The following TEP1 variants were observed in gnomAD, a reference collection of about 807,000 sequenced individuals.
TEP1 encodes the protein telomerase protein component 1.
A neutral mutation model predicts 306.3 loss-of-function variants in TEP1; 241 were observed. That is an observed-to-expected ratio of 0.79 (90% CI 0.71 to 0.88). The LOEUF (loss-of-function observed/expected upper bound fraction) is 0.88. TEP1 is among the 40% of genes least tolerant of loss of function. TEP1 has a pLI of 0.00. For synonymous variants in TEP1, 1,289 were observed against 1,305.5 expected (o/e 0.99, Z 0.27); for missense variants, 3,051 against 3,276.1 (o/e 0.93, Z 1.68).
At chr14:20,387,096 G>A (rs1376761455) in intron 18 of TEP1, among the ~76,000 whole-genome samples, 1 of 150,756 alleles carries the variant, frequency 6.6e-6, no homozygotes. Flanking sequence ...CACCACACCT[G>A]GCTAATTTTG....
At chr14:20,394,496 T>TTTTGG (rs1276066344) in intron 12 of TEP1, among the ~76,000 whole-genome samples, 1 of 148,784 alleles carries the variant, frequency 6.7e-6, no homozygotes, top group Admixed American at 6.7e-5. Context: ...TTTTTTTTTT[T>TTTTGG]GAGACAGAGT....
In TEP1 at chr14:20,403,423, C is replaced by T. The variant is rs1566481093; in HGVS notation, c.1220G>A (p.Arg407Lys). The T allele has an allele frequency of 6.2e-7, 1 of 1,614,184 alleles. No homozygotes were observed. The highest frequency in any genetic ancestry group is 1.1e-5 in the South Asian group (1 of 91,082). Reference protein sequence around the residue: ...SPGMEPPFSHRCFPRYIGFLR... With the variant: ...SPGMEPPFSHKCFPRYIGFLR... ...AAACCCTATGTACCTTGGAAAACAT[C>T]TGTGAGAAAATGGAGGCTCCATCCC... Residue 407 changes from arginine to lysine, a missense_variant, in exon 7 of 55, where the codon AGA (arginine) becomes AAA (lysine). By Grantham distance (26) the Arg-to-Lys change is conservative. Transcript: ENST00000262715.
Position 20,391,629 on chromosome 14 carries a change from G to A in TEP1, c.2067C>T (p.Asp689=). The change falls in exon 13 of 55, where the codon GAC becomes GAT. Residue 689 remains aspartate, a synonymous_variant. Transcript: ENST00000262715. ...GTGGGTTGCTCTTTGGACAGAGCCT[G>A]TCTGCATTAGCATCTGTCAGATAGA... The part of the protein sequence containing the change: ...VLVYLTDANA[D]RLCPKSNPQG... 2.5e-6 allele frequency: 4 copies of A among 1,614,122 alleles called. No homozygotes were observed. Among genetic ancestry groups the A allele is most frequent in the Non-Finnish European group, 3.4e-6 (4 of 1,179,998 alleles).
Position 20,373,063 on chromosome 14 carries a change from T to C in TEP1, c.6899A>G (p.Gln2300Arg), listed in dbSNP as rs1214948341. ...CTGCCACAAGATTAGTTCCCCAGCT[T>C]GATTTCCAGATACTGCCATGGAACC... ...PDGSMAVSGN[Q>R]AGELILWQEA... Residue 2300 changes from glutamine to arginine, a missense_variant, in exon 48 of 55, where the codon CAA becomes CGA. Physicochemically the swap from Gln to Arg is conservative, Grantham distance 43. This residue lies in a region of TEP1 where 1,540 missense variants were observed against 1,705.9 expected (regional missense o/e 0.90). Coordinates refer to ENST00000262715, the MANE Select transcript of TEP1 (RefSeq NM_007110.5). 1 of 1,614,196 alleles carries C rather than the reference T, an allele frequency of 6.2e-7. No homozygotes were observed. The highest frequency in any genetic ancestry group is 8.5e-7 in the Non-Finnish European group (1 of 1,180,030).
At position 20,382,695 on chromosome 14, in the gene TEP1, C is replaced by T; in HGVS notation, c.4068G>A (p.Lys1356=). ...FNNQMRLLLV[K]RESGRPLYLR... is the part of the protein sequence containing the mutation. ...GGTAGAGCGGCCGGCCTGATTCCCGCTTCACCAGCAGCAGTCGCATCTGGC... is the reference window on the plus strand; with the variant it reads ...GGTAGAGCGGCCGGCCTGATTCCCGTTTCACCAGCAGCAGTCGCATCTGGC... The change falls in exon 28 of 55, where the codon AAG becomes AAA. Residue 1356 remains lysine, a synonymous_variant. Coordinates refer to ENST00000262715, the MANE Select transcript of TEP1 (RefSeq NM_007110.5). The T allele has an allele frequency of 6.2e-7, 1 of 1,614,086 alleles. No individual in the cohort carries two copies.
At chr14:20,377,158 T>A (rs949679771) in intron 41 of TEP1, 122 bp downstream of exon 41, 1 of 774,772 alleles carries the variant, frequency 1.3e-6, no homozygotes. Flanking sequence ...GAAGTTGCAG[T>A]GAGCCGAGAC....
At chr14:20,371,088 G>A (rs1884802992) in intron 51 of TEP1, 130 bp downstream of exon 51, 1 of 735,272 alleles carries the variant, frequency 1.4e-6, no homozygotes, top group East Asian at 2.6e-5. Context: ...AACTGCTCCA[G>A]TTGAAGGAGG....
intron 14 of TEP1, 61 bp downstream of exon 14, chr14:20,390,877 G>A: frequency 1.9e-6 from 3 of 1,611,106 alleles, no homozygotes; most frequent in Non-Finnish European, 2.5e-6. Flanking sequence ...CCAAATATCT[G>A]GGCTATTCCC....
chr14:20,398,100 C>A (rs1878352470), intron 9 of TEP1, among the ~76,000 whole-genome samples: 1 of 151,676 alleles, frequency 6.6e-6, no homozygotes, highest in African/African-American at 2.4e-5. Flanking sequence ...CAATTTTAGG[C>A]CGGGTGCAGT....
chr14:20,372,897 G>A, intron 48 of TEP1, 40 bp from the exon 49 acceptor site: 1 of 1,613,696 alleles, frequency 6.2e-7, no homozygotes, highest in Non-Finnish European at 8.5e-7. Flanking sequence ...CTTCTGATGA[G>A]CCAGGATGCA....
In TEP1 at chr14:20,377,921, C is replaced by T. The variant is rs371828193; in HGVS notation, c.5721+103G>A. On this transcript the variant is annotated intron_variant, in intron 39 of 54. Coordinates refer to ENST00000262715, the MANE Select transcript of TEP1 (RefSeq NM_007110.5). ...CTCCCCGTGGTTCCTGCAATCCAAG[C>T]TCCTCCACAGTCTCCTCGACAAAGG... is the stretch of plus-strand genomic sequence containing the variant. The T allele has an allele frequency of 8.7e-5, 130 of 1,499,416 alleles. No individual in the cohort carries two copies. In the African/African-American group the frequency reaches 1.5e-3, roughly 18 times the overall value. The allele number at this position is 1,499,416 out of a possible 1,614,324, so 92.9% of individuals were successfully genotyped here. A position where few individuals can be genotyped will look rare whatever the true frequency, so the allele number is the denominator to read the frequency against.
In TEP1 at chr14:20,368,324, C is replaced by T; in HGVS notation, c.*113G>A. The stretch of plus-strand genomic sequence containing the variant: ...CTACACTTGAGATTTTTTGACACTT[C>T]ATTTTTATAATTATCAAGAAATTAT... On this transcript the variant is annotated 3_prime_UTR_variant, in exon 55 of 55. Transcript: ENST00000262715. The T allele has an allele frequency of 1.5e-6, 2 of 1,318,146 alleles. No individual in the cohort carries two copies. The highest frequency in any genetic ancestry group is 2.0e-6 in the Non-Finnish European group (2 of 988,846). The allele number at this position is 1,318,146 out of a possible 1,614,324, so 81.7% of individuals were successfully genotyped here.
intron 41 of TEP1, among the ~76,000 whole-genome samples, chr14:20,376,816 T>C (rs1033016298): frequency 2.6e-5 from 4 of 152,222 alleles, no homozygotes; most frequent in East Asian, 1.9e-4. Flanking sequence ...TGCAAGATAA[T>C]TGCATTCAAA....
At chr14:20,397,013 C>A (rs1878264542) in intron 9 of TEP1, among the ~76,000 whole-genome samples, 1 of 152,108 alleles carries the variant, frequency 6.6e-6, no homozygotes, top group Non-Finnish European at 1.5e-5. Flanking sequence ...TACAATCTAC[C>A]CTACTCAAAA....
intron 18 of TEP1, 143 bp downstream of exon 18, chr14:20,387,762 G>C: frequency 7.8e-6 from 8 of 1,024,368 alleles, no homozygotes. Flanking sequence ...CTGTGGTAGA[G>C]AAACCTCCGC....
rs900602040 is a variant in TEP1, at chr14:20,372,804, G to A, written c.7005C>T (p.Val2335=). The A allele has an allele frequency of 1.2e-5, 19 of 1,613,990 alleles. No individual in the cohort carries two copies. The highest frequency in any genetic ancestry group is 1.5e-5 in the Non-Finnish European group (18 of 1,180,030). ...LIWSSAHTFF[V]LSADEKISEW... ...CGCTGATTTTCTCATCAGCACTGAG[G>A]ACAAAAAAGGTGTGTGCCGAGGACC... is the stretch of plus-strand genomic sequence containing the variant. Residue 2335 remains valine (V), a synonymous_variant, in exon 49 of 55, where the codon GTC becomes GTT. Transcript: ENST00000262715.
Position 20,378,114 on chromosome 14 carries a change from C to A in TEP1, c.5631G>T (p.Leu1877=), listed in dbSNP as rs763621785. Residue 1877 remains leucine, a synonymous_variant, in exon 39 of 55, where the codon CTG becomes CTT. Transcript: ENST00000262715. ...AGCCATGGTGGGCAGGGAAGGCAGC[C>A]AGCCGTGCCCCTTCTCGCCAGGCCC... ...ELWAWREGAR[L]AAFPAHHGFV... is the part of the protein sequence containing the mutation. 4 of 1,613,808 alleles carry A rather than the reference C, an allele frequency of 2.5e-6. No homozygotes were observed. In the African/African-American group the frequency reaches 5.3e-5, roughly 22 times the overall value.
intron 12 of TEP1, among the ~76,000 whole-genome samples, chr14:20,394,466 C>T (rs1878009641): frequency 6.8e-6 from 1 of 146,568 alleles, no homozygotes; most frequent in Admixed American, 6.9e-5. Flanking sequence ...TTGGACTGGC[C>T]CCTTGGGCTT....
intron 35 of TEP1, 142 bp downstream of exon 35, chr14:20,379,788 C>G (rs1415852883): frequency 8.7e-7 from 1 of 1,150,832 alleles, no homozygotes; most frequent in Non-Finnish European, 1.2e-6. Context: ...ATTTTTTGGC[C>G]AAGCCCTTTG....
Sources: allele counts gnomAD v4.1 joint callset (sites outside exome capture counted in the v4.1 genomes callset), GRCh38; gene constraint gnomAD v4.1.1; regional missense constraint gnomAD v4.1.1; transcripts MANE v1.5; gene names NCBI Gene and HGNC (gene_info 2026-07-23, HGNC 2026-07-21).